The following LHCGR variants were observed in gnomAD, a reference collection of about 807,000 sequenced individuals.
LHCGR encodes the protein luteinizing hormone/choriogonadotropin receptor.
Under a neutral mutation model 60.7 loss-of-function variants are expected in LHCGR, and 55 were observed. The observed-to-expected ratio is 0.91, with a 90% confidence interval of 0.73 to 1.13. The LOEUF is 1.13. Among genes scored for constraint, LHCGR ranks in the 50% most tolerant of loss-of-function variants. The pLI is 0.00. For synonymous variants in LHCGR, 337 were observed against 316.5 expected, an observed-to-expected ratio of 1.06 and a Z score of -0.69; for missense variants, 862 against 836.0, an observed-to-expected ratio of 1.03 and a Z score of -0.38.
intron 6 of LHCGR, among the ~76,000 whole-genome samples, chr2:48,719,381 G>T (rs527457647): frequency 1.3e-5 from 2 of 152,236 alleles, no homozygotes; most frequent in Non-Finnish European, 2.9e-5. Flanking sequence ...GGCTTGTCAT[G>T]GGTGCAGCCT....
chr2:48,738,042 T>G (rs1465564199), intron 1 of LHCGR, among the ~76,000 whole-genome samples: 1 of 152,168 alleles, frequency 6.6e-6, no homozygotes, highest in Non-Finnish European at 1.5e-5. Context: ...GTCGATACAC[T>G]CTACTACATG....
At chr2:48,700,195 G>T (rs1464269878) in intron 8 of LHCGR, among the ~76,000 whole-genome samples, 1 of 152,188 alleles carries the variant, frequency 6.6e-6, no homozygotes, top group Non-Finnish European at 1.5e-5. Flanking sequence ...GTTAGGGATT[G>T]AGCTCTTTGA....
intron 1 of LHCGR, among the ~76,000 whole-genome samples, chr2:48,748,876 T>G (rs1423359562): frequency 6.6e-6 from 1 of 152,184 alleles, no homozygotes; most frequent in Non-Finnish European, 1.5e-5. Context: ...AAAGGGGACC[T>G]GGTGCTAGAA....
At chr2:48,691,936 G>A (rs1666868578) in intron 10 of LHCGR, among the ~76,000 whole-genome samples, 1 of 151,900 alleles carries the variant, frequency 6.6e-6, no homozygotes, top group African/African-American at 2.4e-5. Flanking sequence ...GGAGGTAAGT[G>A]ACTTGTCCAA....
intron 8 of LHCGR, chr2:48,708,679 G>A (rs1667823422): frequency 1.8e-6 from 1 of 564,260 alleles, no homozygotes; most frequent in African/African-American, 1.9e-5. Flanking sequence ...TTTCTTCACA[G>A]CCCTCAGAGG....
At chr2:48,753,535 C>G (rs540400028) in intron 1 of LHCGR, among the ~76,000 whole-genome samples, 4 of 152,126 alleles carry the variant, frequency 2.6e-5, no homozygotes, top group Non-Finnish European at 5.9e-5. Context: ...GTCTCTACCC[C>G]CAAACCTAGT....
chr2:48,720,234 CTT>C (rs1266202598), intron 6 of LHCGR: 2 of 152,182 alleles, frequency 1.3e-5, no homozygotes, highest in Non-Finnish European at 2.9e-5. Flanking sequence ...TTTGGTTACT[CTT>C]TGAGTCTCGT....
At chr2:48,737,566 A>G (rs554729464) in intron 1 of LHCGR, among the ~76,000 whole-genome samples, 1 of 152,322 alleles carries the variant, frequency 6.6e-6, no homozygotes, top group South Asian at 2.1e-4. Context: ...ATGATTTTAA[A>G]TCTTTGAGCT....
rs534318966 is a variant in LHCGR at position 48,747,428 on chromosome 2, C to A, written c.161+8083G>T. On this transcript the variant is annotated intron_variant, in intron 1 of 10. Coordinates refer to ENST00000294954, the MANE Select transcript of LHCGR (RefSeq NM_000233.4). ...GTGCCTGAAATTACTGGCCTGTGTGCCTTCACTTTTTACTAACTTATCCCC... is the reference window on the plus strand; with the variant it reads ...GTGCCTGAAATTACTGGCCTGTGTGACTTCACTTTTTACTAACTTATCCCC... Among the ~76,000 whole-genome samples, 6 of 151,854 alleles carry A rather than the reference C, an allele frequency of 4.0e-5. No individual in the cohort carries two copies. The East Asian group carries it at 1.2e-3, about 29-fold the overall frequency.
chr2:48,741,536 T>A, intron 1 of LHCGR, among the ~76,000 whole-genome samples: 1 of 151,824 alleles, frequency 6.6e-6, no homozygotes, highest in Non-Finnish European at 1.5e-5. Flanking sequence ...GGGCCAATAT[T>A]CCACATTCTT....
At chr2:48,698,457 T>A (rs1401822346) in intron 9 of LHCGR, among the ~76,000 whole-genome samples, 158 bp downstream of exon 9, 2 of 152,180 alleles carry the variant, frequency 1.3e-5, no homozygotes, top group Non-Finnish European at 2.9e-5. Flanking sequence ...ACAGAACAGT[T>A]TGTTTTCTTC....
At chr2:48,723,746 A>T (rs777872191) in intron 4 of LHCGR, 50 bp from the exon 5 acceptor site, 2 of 1,293,178 alleles carry the variant, frequency 1.5e-6, no homozygotes, top group Non-Finnish European at 2.3e-6. Flanking sequence ...GGTAAAAGTG[A>T]TTGTCATTAA....
intron 9 of LHCGR, among the ~76,000 whole-genome samples, chr2:48,697,640 T>A (rs1366409952): frequency 1.3e-5 from 2 of 152,174 alleles, no homozygotes; most frequent in Non-Finnish European, 2.9e-5. Context: ...TTCATTTTGG[T>A]TGATTCCAAA....
chr2:48,716,279 A>T lies in LHCGR; in HGVS notation c.537-2225T>A, dbSNP rs577083883. On this transcript the variant is annotated intron_variant, in intron 6 of 10. Transcript: ENST00000294954. Reference sequence around the variant, plus strand: ...CCTTTCTCAAATAACTTATATTTCCATCTAAGTCAGTAGCCTTCAAAATTG... The same window carrying T: ...CCTTTCTCAAATAACTTATATTTCCTTCTAAGTCAGTAGCCTTCAAAATTG... Among the ~76,000 whole-genome samples the T allele has an allele frequency of 2.0e-5, 3 of 152,228 alleles. No homozygotes were observed. In the South Asian group the frequency reaches 6.2e-4, roughly 32 times the overall value.
At position 48,687,664 on chromosome 2, in the gene LHCGR, A is replaced by G; in HGVS notation, c.*33T>C. 1 of 1,559,196 alleles carries G rather than the reference A, an allele frequency of 6.4e-7. No individual in the cohort carries two copies. Among genetic ancestry groups the G allele is most frequent in the South Asian group, 1.1e-5 (1 of 89,898 alleles). On this transcript the variant is annotated 3_prime_UTR_variant, in exon 11 of 11. Coordinates refer to ENST00000294954, the MANE Select transcript of LHCGR (RefSeq NM_000233.4). ...GGTAATTTTTTTTTACAGGTTTAAG[A>G]ACAATTCAATAATGCAGTTACTGAT...
chr2:48,742,330 C>T lies in LHCGR; in HGVS notation c.162-11032G>A, dbSNP rs148113355. ...TGCCCAGGAATTGAACTCAGCTCTG[C>T]ACCAAGCGGACCTAATAGACATCTA... On this transcript the variant is annotated intron_variant, in intron 1 of 10. Transcript: ENST00000294954. Among the ~76,000 whole-genome samples, 555 of 152,144 alleles carry T rather than the reference C, an allele frequency of 3.6e-3. 6 individuals are homozygous for T. Among genetic ancestry groups the T allele is most frequent in the African/African-American group, 0.013 (531 of 41,482 alleles).
chr2:48,732,810 A>C (rs1415821958), intron 1 of LHCGR: 3 of 527,698 alleles, frequency 5.7e-6, no homozygotes, highest in Admixed American at 4.0e-5. Context: ...ATTTCAGAAA[A>C]ATATTTTCAC....
chr2:48,727,846 C>T (rs1029624220), intron 3 of LHCGR, among the ~76,000 whole-genome samples: 10 of 152,234 alleles, frequency 6.6e-5, no homozygotes, highest in Admixed American at 5.2e-4. Flanking sequence ...ATGGTAGTTG[C>T]TCACGTACTT....
chr2:48,710,682 T>C (rs976293628), intron 7 of LHCGR, among the ~76,000 whole-genome samples: 1 of 152,038 alleles, frequency 6.6e-6, no homozygotes, highest in African/African-American at 2.4e-5. Context: ...CTGGGAACAG[T>C]ATGGACTGAC....
Sources: gnomAD v4.1 joint callset for allele counts (sites outside exome capture counted in the v4.1 genomes callset) on GRCh38, gnomAD v4.1.1 for gene constraint, MANE v1.5 for transcripts, NCBI Gene and HGNC (gene_info 2026-07-23, HGNC 2026-07-21) for gene names.